The following ITGA7 variants were observed in gnomAD, a reference collection of about 807,000 sequenced individuals.
ITGA7 encodes integrin subunit alpha 7.
In ITGA7, 84 loss-of-function variants were observed where a neutral mutation model predicts 131.6. The observed-to-expected ratio is 0.64, with a 90% confidence interval of 0.54 to 0.77. ITGA7 has a LOEUF of 0.77. Among genes scored for constraint, ITGA7 ranks in the 30% least tolerant of loss-of-function variants. ITGA7 has a pLI of 0.00. For synonymous variants in ITGA7, 548 were observed against 600.7 expected (o/e 0.91, Z 1.28); for missense variants, 1,399 against 1,482.9 (o/e 0.94, Z 0.93).
At position 55,693,038 on chromosome 12, in the gene ITGA7, C is replaced by A. The variant is rs145346103; in HGVS notation, c.2713-63G>T. The A allele has an allele frequency of 1.2e-3, 1,930 of 1,613,186 alleles. 22 individuals are homozygous for A. The African/African-American group carries it at 0.023, about 19-fold the overall frequency. ...AATCACAGCAGTGCTAAGATCGAAT[C>A]TCCTCCCCACCGCCTTCCTCCTGCC... is the stretch of plus-strand genomic sequence containing the variant. On this transcript the variant is annotated intron_variant, in intron 20 of 24. Transcript: ENST00000257879.
upstream of ITGA7, chr12:55,708,051 C>T: frequency 1.0e-6 from 1 of 982,656 alleles, no homozygotes; most frequent in African/African-American, 1.7e-5. Flanking sequence ...TTGCTGACCC[C>T]CCACCACCAC....
At position 55,692,901 on chromosome 12, in the gene ITGA7, C is replaced by T; in HGVS notation, c.2787G>A (p.Glu929=). 6.2e-7 allele frequency: 1 copy of T among 1,614,110 alleles called. No individual in the cohort carries two copies. Among genetic ancestry groups the T allele is most frequent in the Non-Finnish European group, 8.5e-7 (1 of 1,180,022 alleles). The change falls in exon 21 of 25, where the codon GAG becomes GAA. Residue 929 remains glutamate (E), a synonymous_variant. Coordinates refer to ENST00000257879, the MANE Select transcript of ITGA7 (RefSeq NM_002206.3). ...PEQQEPGERQ[E]PSMSWWPVSS... ...ACACTGGCCACCAGGACATGCTGGGCTCCTGCCGCTCACCAGGCTCCTGCT... is the reference window on the plus strand; with the variant it reads ...ACACTGGCCACCAGGACATGCTGGGTTCCTGCCGCTCACCAGGCTCCTGCT...
chr12:55,692,112 C>G (rs938290345), intron 21 of ITGA7, among the ~76,000 whole-genome samples: 20 of 152,158 alleles, frequency 1.3e-4, no homozygotes, highest in Non-Finnish European at 2.4e-4. Flanking sequence ...ATTATTAGAA[C>G]TTTTAGAATT....
Position 55,684,927 on chromosome 12 carries a change from T to C in ITGA7, c.*131A>G. Reference sequence around the variant, plus strand: ...AGTTCTTGTGGGTGGGAGAGGTCTGTGCCCCTGAGGAAGCCGATCCTGCCA... The same window carrying C: ...AGTTCTTGTGGGTGGGAGAGGTCTGCGCCCCTGAGGAAGCCGATCCTGCCA... On this transcript the variant is annotated 3_prime_UTR_variant, in exon 25 of 25. Coordinates refer to ENST00000257879, the MANE Select transcript of ITGA7 (RefSeq NM_002206.3). 1.4e-6 allele frequency: 1 copy of C among 718,366 alleles called. No individual in the cohort carries two copies. Among genetic ancestry groups the C allele is most frequent in the South Asian group, 1.9e-5 (1 of 52,878 alleles). The allele number at this position is 718,366 out of a possible 1,614,324, so 44.5% of individuals were successfully genotyped here. A position where few individuals can be genotyped will look rare whatever the true frequency, so the allele number is the denominator to read the frequency against.
At chr12:55,688,554 G>A (rs532835878) in intron 22 of ITGA7, among the ~76,000 whole-genome samples, 122 of 152,070 alleles carry the variant, frequency 8.0e-4, no homozygotes, top group African/African-American at 2.6e-3. Flanking sequence ...GCAAAACCCC[G>A]TCTCTATGAA....
At chr12:55,687,169 CTTTTTTTTTT>C (rs1187388992) in intron 24 of ITGA7, among the ~76,000 whole-genome samples, 1 of 88,178 alleles carries the variant, frequency 1.1e-5, no homozygotes, top group South Asian at 3.8e-4. Flanking sequence ...CATCTGATTT[CTTTTTTTTTT>C]TTTTTTTTTT....
intron 6 of ITGA7, 33 bp from the exon 7 acceptor site, chr12:55,698,609 C>G (rs200295649): frequency 6.2e-7 from 1 of 1,613,744 alleles, no homozygotes; most frequent in East Asian, 2.2e-5. Context: ...AGTGTGGGTC[C>G]TCCCTGGCCA....
chr12:55,716,252 C>G (rs1361840680), upstream of ITGA7: 1 of 1,557,924 alleles, frequency 6.4e-7, no homozygotes, highest in Non-Finnish European at 8.7e-7. Context: ...AGCTTCAGCC[C>G]GGAGCCTGGA....
chr12:55,700,451 G>C lies in ITGA7; in HGVS notation c.670+448C>G, dbSNP rs748712440. The C allele has an allele frequency of 1.9e-6, 3 of 1,556,952 alleles. No homozygotes were observed. In the Admixed American group the frequency reaches 6.3e-5, roughly 33 times the overall value. ...GGGCGCAAGGAACACCCCTCAGGCC[G>C]GACACTGAGTTAGACAGGCACACGG... On this transcript the variant is annotated intron_variant, in intron 4 of 24. Transcript: ENST00000257879.
chr12:55,711,083 G>C (rs955452873), upstream of ITGA7, among the ~76,000 whole-genome samples: 2 of 152,180 alleles, frequency 1.3e-5, no homozygotes, highest in Non-Finnish European at 2.9e-5. Context: ...TCAACTTTTT[G>C]GTTTTGATTT....
At chr12:55,701,462 T>G (rs577670389) in intron 3 of ITGA7, 15 of 1,544,528 alleles carry the variant, frequency 9.7e-6, no homozygotes, top group African/African-American at 1.4e-5. Context: ...ATAGGATGTG[T>G]GTCTCCCTGA....
At position 55,696,307 on chromosome 12, in the gene ITGA7, G is replaced by A. The variant is rs1307370397; in HGVS notation, c.1863C>T (p.His621=). ...LPPVAPILNA[H]QPSTQRAEIH... ...CCTCTGCCCGCTGGGTGCTGGGCTG[G>A]TGGGCATTGAGGATGGGGGCCACTG... Residue 621 remains histidine (H), a synonymous_variant, in exon 13 of 25, where the codon CAC becomes CAT. Transcript: ENST00000257879. 1 of 1,580,416 alleles carries A rather than the reference G, an allele frequency of 6.3e-7. No individual in the cohort carries two copies. The highest frequency in any genetic ancestry group is 1.2e-5 in the South Asian group (1 of 86,700).
intron 23 of ITGA7, 50 bp from the exon 24 acceptor site, chr12:55,688,146 G>A (rs977189465): frequency 2.5e-6 from 4 of 1,614,144 alleles, no homozygotes; most frequent in Non-Finnish European, 2.5e-6. Context: ...ACAAGAACTG[G>A]AGGGAGCAGG....
upstream of ITGA7, chr12:55,716,090 G>C (rs1443406381): frequency 2.5e-6 from 4 of 1,586,360 alleles, no homozygotes; most frequent in South Asian, 1.1e-5. Context: ...CCAGCTTCCG[G>C]AGCCGGAGGG....
At chr12:55,712,713 A>G (rs1336724816), upstream of ITGA7, among the ~76,000 whole-genome samples, 1 of 152,244 alleles carries the variant, frequency 6.6e-6, no homozygotes, top group Non-Finnish European at 1.5e-5. Context: ...CTGAGCTTCA[A>G]CTGCAGCAGA....
chr12:55,695,737 C>T, intron 13 of ITGA7, 100 bp from the exon 14 acceptor site: 1 of 812,830 alleles, frequency 1.2e-6, no homozygotes. Flanking sequence ...CAGGATTAAA[C>T]AACCTGTCCT....
rs144052152 is a variant in ITGA7 at position 55,696,977 on chromosome 12, G to A, written c.1659C>T (p.Pro553=). ...VTFLSRNLEE[P]KHQASGTVWL... The stretch of plus-strand genomic sequence containing the variant: ...ACACGGTGCCCGAGGCCTGGTGCTT[G>A]GGTTCTTCCAGGTTACGGCTCAGGA... The change falls in exon 12 of 25, where the codon CCC becomes CCT. Residue 553 remains proline, a synonymous_variant. Transcript: ENST00000257879. 5 of 1,614,134 alleles carry A rather than the reference G, an allele frequency of 3.1e-6. No homozygotes were observed. In the South Asian group the frequency reaches 5.5e-5, roughly 18 times the overall value.
intron 3 of ITGA7, among the ~76,000 whole-genome samples, chr12:55,701,642 A>C (rs1272145025): frequency 6.6e-6 from 1 of 150,798 alleles, no homozygotes; most frequent in South Asian, 2.1e-4. Context: ...GTGCAGTGGC[A>C]CAATCATGGC....
At chr12:55,695,184 G>C (rs1872370434) in intron 14 of ITGA7, 1 of 607,674 alleles carries the variant, frequency 1.6e-6, no homozygotes, top group Non-Finnish European at 2.9e-6. Flanking sequence ...ACTTACCTTG[G>C]CCAAGTAACT....
Sources: allele counts gnomAD v4.1 joint callset (sites outside exome capture counted in the v4.1 genomes callset), GRCh38; gene constraint gnomAD v4.1.1; transcripts MANE v1.5; gene names NCBI Gene and HGNC (gene_info 2026-07-23, HGNC 2026-07-21).